Variants in MYO16 observed in about 807,000 individuals in gnomAD.
MYO16 encodes myosin XVI.
MYO16 carries 94 observed loss-of-function variants against 205.3 expected under a neutral mutation model. That is an observed-to-expected ratio of 0.46 (90% CI 0.39 to 0.54). MYO16 has a LOEUF of 0.54. Among genes scored for constraint, MYO16 ranks in the 20% least tolerant of loss-of-function variants. MYO16 has a pLI of 0.00. For missense variants in MYO16, 2,315 were observed against 2,387.5 expected, an observed-to-expected ratio of 0.97 and a Z score of 0.63; for synonymous variants, 988 against 954.0, an observed-to-expected ratio of 1.04 and a Z score of -0.66.
At chr13:109,008,041 G>A (rs527247944) in intron 21 of MYO16, among the ~76,000 whole-genome samples, 3 of 152,080 alleles carry the variant, frequency 2.0e-5, no homozygotes, top group Admixed American at 2.0e-4. Flanking sequence ...GAGACTCAAC[G>A]TTTGTAATAT....
intron 7 of MYO16, among the ~76,000 whole-genome samples, chr13:108,810,424 C>G (rs1445941154): frequency 6.0e-5 from 9 of 149,246 alleles, no homozygotes; most frequent in Non-Finnish European, 9.0e-5. Context: ...GAATATAAGG[C>G]ATCAAAACCA....
intron 4 of MYO16, among the ~76,000 whole-genome samples, chr13:108,747,565 G>C (rs1885104628): frequency 6.6e-6 from 1 of 150,690 alleles, no homozygotes; most frequent in Non-Finnish European, 1.5e-5. Flanking sequence ...ATATAAAATG[G>C]AATCATATAA....
chr13:108,536,370 G>A, the MYO16 span, among the ~76,000 whole-genome samples: 1 of 150,852 alleles, frequency 6.6e-6, no homozygotes, highest in African/African-American at 2.4e-5. Context: ...GCTGGGGAGG[G>A]GACAAGTTGA....
At chr13:109,129,131 AC>A (rs199794915) in intron 31 of MYO16, among the ~76,000 whole-genome samples, 2,446 of 149,720 alleles carry the variant, frequency 0.016, 73 homozygotes, top group African/African-American at 0.056. Flanking sequence ...AACTATTGTC[AC>A]CATGCTGTAC....
chr13:108,626,845 G>GTA (rs931454056), upstream of MYO16, among the ~76,000 whole-genome samples: 93 of 146,076 alleles, frequency 6.4e-4, no homozygotes, highest in African/African-American at 2.2e-3. Context: ...ATATGTGTGT[G>GTA]TATATATATA....
chr13:108,601,094 C>CT (rs565755606), intron 1 of MYO16, among the ~76,000 whole-genome samples: 3 of 152,000 alleles, frequency 2.0e-5, no homozygotes, highest in Admixed American at 6.6e-5. Context: ...AAAGGGACCA[C>CT]TTTTTTTGCG....
intron 27 of MYO16, among the ~76,000 whole-genome samples, chr13:109,090,578 C>T (rs780988610): frequency 7.2e-5 from 11 of 152,198 alleles, no homozygotes; most frequent in South Asian, 2.1e-4. Flanking sequence ...AAAGGGGGCC[C>T]TGCCCTGCAG....
At chr13:108,651,066 C>T (rs150642679) in intron 1 of MYO16, among the ~76,000 whole-genome samples, 264 of 152,228 alleles carry the variant, frequency 1.7e-3, no homozygotes, top group Middle Eastern at 6.8e-3. Flanking sequence ...AAGCAATAAA[C>T]GGTTGAGTGA....
intron 1 of MYO16, among the ~76,000 whole-genome samples, chr13:108,645,419 G>T (rs948172089): frequency 5.3e-5 from 8 of 152,066 alleles, no homozygotes; most frequent in African/African-American, 1.9e-4. Flanking sequence ...TTGTAAGTTT[G>T]GTATGTACGC....
At chr13:108,508,745 A>T in the MYO16 span, among the ~76,000 whole-genome samples, 1 of 152,156 alleles carries the variant, frequency 6.6e-6, no homozygotes, top group Non-Finnish European at 1.5e-5. Flanking sequence ...TATCCATTTC[A>T]GTGCAGATAT....
rs1225793550 is a variant in MYO16, at chr13:109,084,392, C to T, written c.3336-16393C>T. ...ATGACTTTGACCTCAGAGATGGTGA[C>T]CAGGTGCCAATTAAAGTTACATTGT... On this transcript the variant is annotated intron_variant, in intron 27 of 34. Transcript: ENST00000457511. 2.0e-5 allele frequency among the ~76,000 whole-genome samples: 3 copies of T among 152,006 alleles called. No homozygotes were observed. In the East Asian group the frequency reaches 5.8e-4, roughly 29 times the overall value.
chr13:108,806,355 G>C lies in MYO16; in HGVS notation c.742-324G>C, dbSNP rs114344570. ...ATATTTTACCTTTGGGCAAGAAGTGGTAAGCTTTTCAATTATTATATTCTG... is the reference window on the plus strand; with the variant it reads ...ATATTTTACCTTTGGGCAAGAAGTGCTAAGCTTTTCAATTATTATATTCTG... On this transcript the variant is annotated intron_variant, in intron 6 of 34. Coordinates refer to ENST00000457511, the MANE Select transcript of MYO16 (RefSeq NM_001198950.3). 2.8e-3 allele frequency among the ~76,000 whole-genome samples: 425 copies of C among 152,274 alleles called. 3 individuals carry two copies. The highest frequency in any genetic ancestry group is 9.5e-3 in the African/African-American group (396 of 41,544).
At chr13:108,936,586 T>C (rs945504219) in intron 16 of MYO16, among the ~76,000 whole-genome samples, 2 of 152,188 alleles carry the variant, frequency 1.3e-5, no homozygotes, top group East Asian at 1.9e-4. Flanking sequence ...TTGTCCTTTT[T>C]TTACTGTTAC....
chr13:108,804,187 A>AT (rs1458966866), intron 6 of MYO16, among the ~76,000 whole-genome samples: 1 of 152,192 alleles, frequency 6.6e-6, no homozygotes, highest in Non-Finnish European at 1.5e-5. Context: ...GATGGTAAAG[A>AT]TTAGAAGAAA....
At chr13:109,015,489 G>A (rs1043317156) in intron 22 of MYO16, among the ~76,000 whole-genome samples, 1 of 152,150 alleles carries the variant, frequency 6.6e-6, no homozygotes, top group African/African-American at 2.4e-5. Flanking sequence ...AATGAGTTAT[G>A]GTGGATTCCC....
chr13:108,716,661 G>A (rs566459128), intron 3 of MYO16, among the ~76,000 whole-genome samples: 38 of 152,222 alleles, frequency 2.5e-4, no homozygotes, highest in Non-Finnish European at 4.9e-4. Context: ...TCACCTTTTG[G>A]GCGTCCCACA....
chr13:109,135,277 C>T (rs1342561045), intron 31 of MYO16, among the ~76,000 whole-genome samples: 1 of 152,142 alleles, frequency 6.6e-6, no homozygotes, highest in Non-Finnish European at 1.5e-5. Context: ...CTTATGCCTT[C>T]ATGAGGATGA....
At position 108,666,027 on chromosome 13, in the gene MYO16, A is replaced by G. The variant is rs113855148; in HGVS notation, c.170A>G (p.Glu57Gly). The G allele has an allele frequency of 6.2e-7, 1 of 1,614,168 alleles. No homozygotes were observed. Among genetic ancestry groups the G allele is most frequent in the East Asian group, 2.2e-5 (1 of 44,880 alleles). Residue 57 changes from glutamate (E) to glycine (G), a missense_variant, in exon 2 of 35, where the codon GAG becomes GGG. Glu to Gly is a moderately conservative substitution (Grantham distance 98, BLOSUM62 -2). Coordinates refer to ENST00000457511, the MANE Select transcript of MYO16 (RefSeq NM_001198950.3). ...CEQIKAYYER[E>G]KAFQKQEGFL... ...CAAATCAAAGCCTACTATGAGCGCG[A>G]GAAGGCTTTTCAGAAGCAGGAAGGG...
At chr13:108,865,006 G>A (rs927223406) in intron 11 of MYO16, among the ~76,000 whole-genome samples, 1 of 151,940 alleles carries the variant, frequency 6.6e-6, no homozygotes, top group African/African-American at 2.4e-5. Flanking sequence ...TTAAAAAAAG[G>A]GAAAGCATTT....
Sources: allele counts gnomAD v4.1 joint callset (sites outside exome capture counted in the v4.1 genomes callset), GRCh38; gene constraint gnomAD v4.1.1; transcripts MANE v1.5; gene names NCBI Gene and HGNC (gene_info 2026-07-23, HGNC 2026-07-21).